The following GTF2F2 variants were observed in gnomAD, a reference collection of about 807,000 sequenced individuals.
GTF2F2 encodes the protein ATP-dependent helicase GTF2F2.
A neutral mutation model predicts 42.2 loss-of-function variants in GTF2F2; 23 were observed. The observed-to-expected ratio is 0.55, with a 90% confidence interval of 0.39 to 0.77. The LOEUF (loss-of-function observed/expected upper bound fraction) is 0.77. Among genes scored for constraint, GTF2F2 ranks in the 30% least tolerant of loss-of-function variants. The pLI is 0.00. For missense variants in GTF2F2, 261 were observed against 287.2 expected (o/e 0.91, Z 0.66); for synonymous variants, 105 against 100.8 (o/e 1.04, Z -0.25).
intron 2 of GTF2F2, among the ~76,000 whole-genome samples, chr13:45,137,983 C>T (rs531097159): frequency 3.9e-5 from 6 of 152,252 alleles, no homozygotes; most frequent in South Asian, 2.1e-4. Context: ...TTTTCATAAT[C>T]GGCCACGTCC....
intron 6 of GTF2F2, among the ~76,000 whole-genome samples, chr13:45,258,870 T>C (rs770550854): frequency 8.5e-5 from 13 of 152,224 alleles, no homozygotes; most frequent in Non-Finnish European, 1.5e-4. Context: ...ATCAAAGTTA[T>C]AGAGTCAGCT....
chr13:45,218,765 T>G (rs1873988763), intron 5 of GTF2F2, among the ~76,000 whole-genome samples: 1 of 152,006 alleles, frequency 6.6e-6, no homozygotes, highest in African/African-American at 2.4e-5. Flanking sequence ...GGTCTGGGAT[T>G]GTTAAATGCT....
At chr13:45,163,572 TATTAAAACTAAGTA>T (rs1450493857) in intron 4 of GTF2F2, among the ~76,000 whole-genome samples, 2 of 152,116 alleles carry the variant, frequency 1.3e-5, no homozygotes, top group African/African-American at 4.8e-5. Context: ...TTAGTCGCGG[TATTAAAACTAAGTA>T]ATTGAAACAA....
chr13:45,138,460 AT>A (rs1480306743), intron 2 of GTF2F2, among the ~76,000 whole-genome samples: 1 of 152,162 alleles, frequency 6.6e-6, no homozygotes, highest in Non-Finnish European at 1.5e-5. Flanking sequence ...ACAGACCAAG[AT>A]TTAACCATTA....
chr13:45,283,260 T>TA (rs1456227853), intron 7 of GTF2F2, among the ~76,000 whole-genome samples, 182 bp from the exon 8 acceptor site: 2 of 152,340 alleles, frequency 1.3e-5, no homozygotes, highest in Admixed American at 6.5e-5. Context: ...TTAGTGCAGT[T>TA]ACCATGTCGC....
At chr13:45,139,136 T>TA (rs1869785172) in intron 2 of GTF2F2, among the ~76,000 whole-genome samples, 1 of 152,170 alleles carries the variant, frequency 6.6e-6, no homozygotes, top group Non-Finnish European at 1.5e-5. Flanking sequence ...ACAAGCCTGT[T>TA]ACTCCACTAT....
chr13:45,241,849 C>G (rs974865800), intron 5 of GTF2F2, among the ~76,000 whole-genome samples: 1 of 152,026 alleles, frequency 6.6e-6, no homozygotes, highest in Non-Finnish European at 1.5e-5. Context: ...GTTCTGGGCC[C>G]TAGGCATATG....
At position 45,151,724 on chromosome 13, in the gene GTF2F2, A is replaced by G. The variant is rs151182400; in HGVS notation, c.197A>G (p.His66Arg). ...FTLNEDLANI[H>R]DIGGKPASVS... ...TTGAATGAGGATCTTGCAAATATTC[A>G]TGATATTGGTGGAAAACCAGCTTCA... Residue 66 changes from histidine to arginine, a missense_variant, in exon 4 of 8, where the codon CAT becomes CGT. Coordinates refer to ENST00000340473, the MANE Select transcript of GTF2F2 (RefSeq NM_004128.3). 339 of 1,606,726 alleles carry G rather than the reference A, an allele frequency of 2.1e-4. No homozygotes were observed. Among genetic ancestry groups the G allele is most frequent in the Admixed American group, 1.4e-3 (83 of 59,604 alleles).
intron 5 of GTF2F2, among the ~76,000 whole-genome samples, chr13:45,228,971 A>G (rs1014530894): frequency 2.7e-5 from 4 of 150,738 alleles, no homozygotes; most frequent in African/African-American, 9.8e-5. Context: ...CACCCAACCA[A>G]TCCTCATTTT....
At chr13:45,218,240 A>G (rs952431616) in intron 5 of GTF2F2, among the ~76,000 whole-genome samples, 1 of 152,182 alleles carries the variant, frequency 6.6e-6, no homozygotes, top group Non-Finnish European at 1.5e-5. Context: ...GAGGATTTAA[A>G]ATGGGTGCTG....
intron 5 of GTF2F2, among the ~76,000 whole-genome samples, chr13:45,252,592 C>T (rs1875923775): frequency 6.6e-6 from 1 of 151,990 alleles, no homozygotes; most frequent in Non-Finnish European, 1.5e-5. Flanking sequence ...GGCTGATTAG[C>T]TTCTTGGTTT....
At chr13:45,220,362 A>G (rs1874057615) in intron 5 of GTF2F2, among the ~76,000 whole-genome samples, 1 of 152,110 alleles carries the variant, frequency 6.6e-6, no homozygotes, top group Non-Finnish European at 1.5e-5. Context: ...AAGCAACCAG[A>G]TCTTATGTTT....
At chr13:45,215,388 A>T (rs1351577321) in intron 5 of GTF2F2, among the ~76,000 whole-genome samples, 1 of 152,276 alleles carries the variant, frequency 6.6e-6, no homozygotes, top group Non-Finnish European at 1.5e-5. Context: ...AAATGGTTGT[A>T]ATAAAAGTAT....
Position 45,136,773 on chromosome 13 carries a change from G to C in GTF2F2, c.107G>C (p.Gly36Ala). Residue 36 changes from glycine (G) to alanine (A), a missense_variant, in exon 2 of 8, where the codon GGA becomes GCA. Gly to Ala is a moderately conservative substitution (Grantham distance 60). Transcript: ENST00000340473. ...TCACAGCAATGGGCTAAAGCCTCTGGAAGAGGTGAAGTTGGGAAACTGCGG... is the reference window on the plus strand; with the variant it reads ...TCACAGCAATGGGCTAAAGCCTCTGCAAGAGGTGAAGTTGGGAAACTGCGG... ...YLSQQWAKAS[G>A]RGEVGKLRIA... 1 of 1,600,832 alleles carries C rather than the reference G, an allele frequency of 6.2e-7. No homozygotes were observed. Among genetic ancestry groups the C allele is most frequent in the Non-Finnish European group, 8.6e-7 (1 of 1,168,680 alleles).
At chr13:45,202,938 G>T (rs1455120598) in intron 4 of GTF2F2, among the ~76,000 whole-genome samples, 1 of 152,050 alleles carries the variant, frequency 6.6e-6, no homozygotes, top group Non-Finnish European at 1.5e-5. Context: ...CTCCAGCCTG[G>T]GTGACAGAGT....
At chr13:45,237,054 C>T (rs559441639) in intron 5 of GTF2F2, among the ~76,000 whole-genome samples, 9 of 151,930 alleles carry the variant, frequency 5.9e-5, no homozygotes, top group Non-Finnish European at 8.8e-5. Context: ...AGTCATATGA[C>T]GAATTGATTT....
At chr13:45,206,169 T>C (rs1454452252) in intron 4 of GTF2F2, among the ~76,000 whole-genome samples, 1 of 152,216 alleles carries the variant, frequency 6.6e-6, no homozygotes, top group African/African-American at 2.4e-5. Context: ...TCTTGAGATT[T>C]GTTGCATATG....
chr13:45,161,631 C>T (rs1384584167), intron 4 of GTF2F2, among the ~76,000 whole-genome samples: 2 of 152,168 alleles, frequency 1.3e-5, no homozygotes, highest in Non-Finnish European at 1.5e-5. Flanking sequence ...CACCTGAGGT[C>T]AGGAGTTCAA....
intron 5 of GTF2F2, among the ~76,000 whole-genome samples, chr13:45,234,724 T>C (rs1400439108): frequency 6.6e-6 from 1 of 152,154 alleles, no homozygotes; most frequent in Admixed American, 6.5e-5. Flanking sequence ...ATATATCAGT[T>C]AGTAAATATG....
Sources: gnomAD v4.1 joint callset for allele counts (sites outside exome capture counted in the v4.1 genomes callset) on GRCh38, gnomAD v4.1.1 for gene constraint, MANE v1.5 for transcripts, NCBI Gene and HGNC (gene_info 2026-07-23, HGNC 2026-07-21) for gene names.